Variants in CPXM2 observed in about 807,000 individuals in gnomAD.
The protein encoded by CPXM2 is inactive carboxypeptidase-like protein X2.
CPXM2 carries 66 observed loss-of-function variants against 86.1 expected under a neutral mutation model. That is an observed-to-expected ratio of 0.77 (90% CI 0.63 to 0.94). The LOEUF (loss-of-function observed/expected upper bound fraction) is 0.94. Ranked by LOEUF, CPXM2 falls within the 40% of genes least tolerant of loss-of-function variation. The pLI, the probability that CPXM2 is intolerant of heterozygous loss-of-function variation, is 0.00. For missense variants in CPXM2, 948 were observed against 1,026.3 expected, an observed-to-expected ratio of 0.92 and a Z score of 1.04; for synonymous variants, 388 against 400.2, an observed-to-expected ratio of 0.97 and a Z score of 0.36.
intron 2 of CPXM2, among the ~76,000 whole-genome samples, chr10:123,900,747 T>A (rs1386749821): frequency 1.3e-5 from 2 of 152,212 alleles, no homozygotes; most frequent in African/African-American, 4.8e-5. Context: ...AAATTTAAAA[T>A]AAGTTTAGCT....
chr10:123,882,280 A>C (rs1945105616), intron 1 of CPXM2, among the ~76,000 whole-genome samples: 1 of 152,214 alleles, frequency 6.6e-6, no homozygotes, highest in Admixed American at 6.5e-5. Flanking sequence ...GAAGCCAATT[A>C]ACTGAAACTT....
chr10:123,800,742 G>C (rs1008118666), intron 4 of CPXM2, among the ~76,000 whole-genome samples: 12 of 150,650 alleles, frequency 8.0e-5, no homozygotes, highest in African/African-American at 2.9e-4. Context: ...GAGAGGGCAG[G>C]GAAAAAAAGG....
chr10:123,869,060 G>T (rs1315898576), intron 2 of CPXM2, among the ~76,000 whole-genome samples: 1 of 152,110 alleles, frequency 6.6e-6, no homozygotes, highest in Admixed American at 6.5e-5. Flanking sequence ...AAACGGAGGA[G>T]AAGCAAGGTT....
At chr10:123,891,829 T>TGGGCTGGGCC (rs1305276191), upstream of CPXM2, 3 of 221,228 alleles carry the variant, frequency 1.4e-5, no homozygotes, top group Admixed American at 6.4e-5. The surrounding 1 kb of genome is among the most constrained non-coding windows in gnomAD (Gnocchi z 5.6). Context: ...GGGGCTGGGC[T>TGGGCTGGGCC]GGGCTGGGCC....
intron 3 of CPXM2, among the ~76,000 whole-genome samples, chr10:123,846,266 GT>G (rs1278692271): frequency 6.6e-6 from 1 of 152,180 alleles, no homozygotes; most frequent in Non-Finnish European, 1.5e-5. Flanking sequence ...GCCTGAGCTC[GT>G]TTTCCTGCAA....
intron 6 of CPXM2, among the ~76,000 whole-genome samples, chr10:123,788,165 T>C (rs369325011): frequency 1.3e-5 from 2 of 150,178 alleles, no homozygotes; most frequent in East Asian, 3.9e-4. Context: ...CCTGTAATCC[T>C]AGCTACTCAG....
intron 2 of CPXM2, among the ~76,000 whole-genome samples, chr10:123,924,481 A>C (rs988946641): frequency 1.3e-5 from 2 of 152,220 alleles, no homozygotes; most frequent in Non-Finnish European, 2.9e-5. Context: ...ACACAGATGA[A>C]TAGCCAGAAG....
chr10:123,790,509 G>C (rs953200563), intron 6 of CPXM2, among the ~76,000 whole-genome samples: 1 of 152,216 alleles, frequency 6.6e-6, no homozygotes, highest in African/African-American at 2.4e-5. Flanking sequence ...CTTTAAAATG[G>C]AGAACAAGGA....
At position 123,847,578 on chromosome 10, in the gene CPXM2, AAG is replaced by A. The variant is rs557522685; in HGVS notation, c.514-5092_514-5091del. On this transcript the variant is annotated intron_variant, in intron 3 of 13. Coordinates refer to ENST00000241305, the MANE Select transcript of CPXM2 (RefSeq NM_198148.3). The stretch of plus-strand genomic sequence containing the variant: ...TTCAATTCCCAAAGAGACAATTAAA[AAG>A]AGTTTCCAGTAGCTGTGCCATCCAC... Among the ~76,000 whole-genome samples the A allele has an allele frequency of 2.5e-3, 381 of 152,298 alleles. 2 individuals are homozygous for A. The highest frequency in any genetic ancestry group is 4.0e-3 in the Non-Finnish European group (273 of 68,016).
At chr10:123,823,096 CA>C (rs1214587056) in intron 4 of CPXM2, among the ~76,000 whole-genome samples, 1 of 152,074 alleles carries the variant, frequency 6.6e-6, no homozygotes, top group Non-Finnish European at 1.5e-5. Flanking sequence ...GTGATATCAA[CA>C]AAAATGCATT....
At chr10:123,878,561 A>T (rs1945032187) in intron 2 of CPXM2, among the ~76,000 whole-genome samples, 1 of 150,652 alleles carries the variant, frequency 6.6e-6, no homozygotes, top group South Asian at 2.1e-4. Flanking sequence ...GAGTCTTCAA[A>T]AATCTTTCCG....
At chr10:123,932,787 G>A (rs1023124857) in intron 2 of CPXM2, among the ~76,000 whole-genome samples, 9 of 152,190 alleles carry the variant, frequency 5.9e-5, no homozygotes, top group Non-Finnish European at 1.0e-4. Flanking sequence ...GGAGTTTCTC[G>A]GCGTGGCAGA....
At chr10:123,791,193 C>T (rs756719474) in intron 6 of CPXM2, among the ~76,000 whole-genome samples, 2 of 152,146 alleles carry the variant, frequency 1.3e-5, no homozygotes, top group Non-Finnish European at 2.9e-5. Context: ...GCGGGCAGAT[C>T]ATCTGAGGTC....
chr10:123,780,079 G>A (rs965061429), intron 7 of CPXM2, 88 bp downstream of exon 7: 2 of 828,958 alleles, frequency 2.4e-6, no homozygotes, highest in African/African-American at 3.4e-5. Flanking sequence ...ATCAATTTCT[G>A]GAAAAAAAAA....
chr10:123,883,075 C>T (rs1452762048), intron 1 of CPXM2, among the ~76,000 whole-genome samples: 1 of 151,736 alleles, frequency 6.6e-6, no homozygotes, highest in East Asian at 2.0e-4. Flanking sequence ...ACACCATGGC[C>T]CGGGCACCCC....
intron 7 of CPXM2, 140 bp downstream of exon 7, chr10:123,780,026 AG>A: frequency 1.6e-6 from 1 of 612,492 alleles, no homozygotes; most frequent in Non-Finnish European, 3.0e-6. Flanking sequence ...ACAAGCATTT[AG>A]TGTGTCTTCA....
intron 7 of CPXM2, chr10:123,776,896 C>A (rs567421623): frequency 1.3e-5 from 2 of 152,218 alleles, no homozygotes; most frequent in South Asian, 4.2e-4. Flanking sequence ...CCAGTGAATG[C>A]AAGTTTTTGT....
At chr10:123,840,572 G>A (rs993223660) in intron 4 of CPXM2, among the ~76,000 whole-genome samples, 2 of 152,144 alleles carry the variant, frequency 1.3e-5, no homozygotes, top group Admixed American at 1.3e-4. Context: ...TACAAAGCCT[G>A]AGTAACAGCA....
At chr10:123,934,254 A>G (rs1192865883) in intron 2 of CPXM2, among the ~76,000 whole-genome samples, 1 of 152,090 alleles carries the variant, frequency 6.6e-6, no homozygotes, top group Admixed American at 6.5e-5. Context: ...AATAACAGAA[A>G]GGTCTTCTCT....
Sources: gnomAD v4.1 joint callset for allele counts (sites outside exome capture counted in the v4.1 genomes callset) on GRCh38, gnomAD v4.1.1 for gene constraint, Gnocchi (gnomAD v3.1) non-coding constraint, MANE v1.5 for transcripts, NCBI Gene and HGNC (gene_info 2026-07-23, HGNC 2026-07-21) for gene names.